The following CKAP2L variants were observed in gnomAD, a reference collection of about 807,000 sequenced individuals.
CKAP2L encodes the protein cytoskeleton-associated protein 2-like.
A neutral mutation model predicts 65.7 loss-of-function variants in CKAP2L; 42 were observed. The ratio of observed to expected loss-of-function variants is 0.64; its 90% CI spans 0.50 to 0.83. The LOEUF (loss-of-function observed/expected upper bound fraction) is 0.83. Ranked by LOEUF, CKAP2L falls within the 40% of genes least tolerant of loss-of-function variation. CKAP2L has a pLI of 0.00. For synonymous variants in CKAP2L, 325 were observed against 313.5 expected (o/e 1.04, Z -0.39); for missense variants, 908 against 871.0 (o/e 1.04, Z -0.53).
rs1314846563 is a variant in CKAP2L, at chr2:112,746,446, C to T, written c.1732G>A (p.Glu578Lys). 6.2e-7 allele frequency: 1 copy of T among 1,612,196 alleles called. No individual in the cohort carries two copies. The change falls in exon 6 of 9, where the codon GAA becomes AAA. Residue 578 changes from glutamate (E) to lysine (K), a missense_variant. Transcript: ENST00000302450. ...KGTFDVIGLY[E>K]EAIKNGATPI... ...GTTGCCCCATTTTTAATGGCCTCTT[C>T]ATATAGCCCAATAACATCAAAGGTG...
rs762691882 is a variant in CKAP2L at position 112,760,774 on chromosome 2, A to G, written c.105-10T>C. ...GGATTTTAGATAAGGCCTATAAAAG[A>G]CAAATTAAAATTAATCCTCAGCACA... On this transcript the variant is annotated splice_polypyrimidine_tract_variant and intron_variant, in intron 2 of 8. Coordinates refer to ENST00000302450, the MANE Select transcript of CKAP2L (RefSeq NM_152515.5). The G allele has an allele frequency of 7.7e-6, 11 of 1,433,646 alleles. No homozygotes were observed. The highest frequency in any genetic ancestry group is 9.7e-6 in the Non-Finnish European group (10 of 1,032,806). The allele number at this position is 1,433,646 out of a possible 1,614,324, so 88.8% of individuals were successfully genotyped here. A position where few individuals can be genotyped will look rare whatever the true frequency, so the allele number is the denominator to read the frequency against.
chr2:112,752,318 C>A lies in CKAP2L; in HGVS notation c.1551G>T (p.Leu517=). 6.2e-7 allele frequency: 1 copy of A among 1,613,942 alleles called. No homozygotes were observed. The highest frequency in any genetic ancestry group is 8.5e-7 in the Non-Finnish European group (1 of 1,179,908). Residue 517 remains leucine (L), a synonymous_variant, in exon 5 of 9, where the codon CTG becomes CTT. Transcript: ENST00000302450. ...TCAGAGTGTTGTTAATTTTACTGGACAGTTCGAGTTGTGCTTTCTTTTCTT... is the reference window on the plus strand; with the variant it reads ...TCAGAGTGTTGTTAATTTTACTGGAAAGTTCGAGTTGTGCTTTCTTTTCTT... ...EEEEKKAQLE[L]SSKINNTLTE...
intron 4 of CKAP2L, among the ~76,000 whole-genome samples, chr2:112,754,062 G>A (rs1300677825): frequency 3.3e-5 from 5 of 152,336 alleles, no homozygotes; most frequent in South Asian, 4.1e-4. Context: ...ATAACACACA[G>A]TAAAATTCAC....
At chr2:112,759,184 G>A (rs181360175) in intron 3 of CKAP2L, among the ~76,000 whole-genome samples, 42 of 152,132 alleles carry the variant, frequency 2.8e-4, no homozygotes, top group Middle Eastern at 3.4e-3. Context: ...CATATATCCC[G>A]GTTTTCACAA....
rs1172704344 is a variant in CKAP2L at position 112,742,752 on chromosome 2, C to T, written c.1776G>A (p.Arg592=). 6.2e-7 allele frequency: 1 copy of T among 1,609,296 alleles called. No individual in the cohort carries two copies. The highest frequency in any genetic ancestry group is 8.5e-7 in the Non-Finnish European group (1 of 1,177,830). The change falls in exon 7 of 9, where the codon CGG becomes CGA. Residue 592 remains arginine (R), a synonymous_variant. Transcript: ENST00000302450. ...KNGATPIQEL[R]KVVLNILQDS... ...CTTGCAAGATATTAAGAACAACTTTCCGCAACTCTTGTATTGGCTGGAAGG... is the reference window on the plus strand; with the variant it reads ...CTTGCAAGATATTAAGAACAACTTTTCGCAACTCTTGTATTGGCTGGAAGG...
chr2:112,764,453 G>C, intron 1 of CKAP2L, 109 bp downstream of exon 1: 1 of 1,231,442 alleles, frequency 8.1e-7, no homozygotes, highest in Non-Finnish European at 1.2e-6. Context: ...GGAAACTTAG[G>C]CAGGCGAGCG....
At chr2:112,739,880 C>T (rs1435303487) in intron 8 of CKAP2L, among the ~76,000 whole-genome samples, 3 of 152,166 alleles carry the variant, frequency 2.0e-5, no homozygotes, top group Non-Finnish European at 4.4e-5. Context: ...TCTTGAACTC[C>T]TAGGCTCAAG....
At chr2:112,759,780 A>G (rs1680663742) in intron 3 of CKAP2L, among the ~76,000 whole-genome samples, 1 of 152,224 alleles carries the variant, frequency 6.6e-6, no homozygotes, top group Non-Finnish European at 1.5e-5. Flanking sequence ...ATGCATATGC[A>G]TATGACTGAA....
Position 112,756,187 on chromosome 2 carries a change from C to A in CKAP2L, c.1184G>T (p.Ser395Ile), listed in dbSNP as rs761496070. ...ACCACTGGTTCCATTTGGTCTTATG[C>A]TAGGGGTGCTTGGAATGGCTGAATT... ...RFNSAIPSTP[S>I]IRPNGTSGNK... Residue 395 changes from serine (S) to isoleucine (I), a missense_variant, in exon 4 of 9, where the codon AGC (serine) becomes ATC (isoleucine). Physicochemically the swap from Ser to Ile is moderately radical, Grantham distance 142. Coordinates refer to ENST00000302450, the MANE Select transcript of CKAP2L (RefSeq NM_152515.5). 3 of 1,613,960 alleles carry A rather than the reference C, an allele frequency of 1.9e-6. No homozygotes were observed. The highest frequency in any genetic ancestry group is 2.2e-5 in the South Asian group (2 of 91,078).
Position 112,758,961 on chromosome 2 carries a change from G to A in CKAP2L, c.157-1747C>T, listed in dbSNP as rs531248950. On this transcript the variant is annotated intron_variant, in intron 3 of 8. Transcript: ENST00000302450. The stretch of plus-strand genomic sequence containing the variant: ...TTTCTGTCTCTGTATGTCTATAGAT[G>A]TGCCTATTTTAGATGTGTCATATAA... 2.3e-3 allele frequency among the ~76,000 whole-genome samples: 350 copies of A among 152,252 alleles called. 1 individual carries two copies. Among genetic ancestry groups the A allele is most frequent in the African/African-American group, 8.1e-3 (337 of 41,552 alleles).
chr2:112,739,142 G>C, intron 8 of CKAP2L, 94 bp from the exon 9 acceptor site: 1 of 986,810 alleles, frequency 1.0e-6, no homozygotes, highest in South Asian at 1.6e-5. Context: ...AAACAGGGAA[G>C]ACATTTTAAC....
intron 3 of CKAP2L, 84 bp from the exon 4 acceptor site, chr2:112,757,298 TA>T (rs200611632): frequency 7.6e-5 from 66 of 869,088 alleles, no homozygotes; most frequent in African/African-American, 2.2e-4. Flanking sequence ...TAACACATGC[TA>T]AAAAAAATAA....
intron 7 of CKAP2L, among the ~76,000 whole-genome samples, chr2:112,741,882 T>A (rs977854694): frequency 1.3e-5 from 2 of 151,086 alleles, no homozygotes; most frequent in African/African-American, 4.9e-5. Flanking sequence ...TGCCTCAGCC[T>A]CCTGAGTATC....
intron 2 of CKAP2L, among the ~76,000 whole-genome samples, chr2:112,761,004 A>G (rs1680702181): frequency 6.6e-6 from 1 of 151,662 alleles, no homozygotes; most frequent in Non-Finnish European, 1.5e-5. Context: ...TGATCCTTAC[A>G]GAGACTGTCT....
In CKAP2L at chr2:112,736,660, A is replaced by C. The variant is rs1388082761; in HGVS notation, c.*2163T>G. The C allele has an allele frequency of 1.3e-5, 2 of 152,204 alleles. No individual in the cohort carries two copies. Among genetic ancestry groups the C allele is most frequent in the Admixed American group, 6.5e-5 (1 of 15,286 alleles). The allele number at this position is 152,204 out of a possible 1,614,324, so 9.4% of individuals were successfully genotyped here. A position where few individuals can be genotyped will look rare whatever the true frequency, so the allele number is the denominator to read the frequency against. ...GTGTACTTGAGCTCTTTCTTAAAAA[A>C]TTAAATATTCCATATGTGAGATCAT... is the stretch of plus-strand genomic sequence containing the variant. On this transcript the variant is annotated 3_prime_UTR_variant, in exon 9 of 9. Coordinates refer to ENST00000302450, the MANE Select transcript of CKAP2L (RefSeq NM_152515.5).
chr2:112,762,136 A>AG (rs1163603957), intron 2 of CKAP2L, among the ~76,000 whole-genome samples: 4 of 152,232 alleles, frequency 2.6e-5, no homozygotes, highest in Admixed American at 2.0e-4. Context: ...CTCCTGCCTT[A>AG]GCAAGAAATG....
intron 3 of CKAP2L, among the ~76,000 whole-genome samples, chr2:112,759,560 C>A (rs558888278): frequency 6.6e-6 from 1 of 152,156 alleles, no homozygotes; most frequent in Non-Finnish European, 1.5e-5. Flanking sequence ...TCCAGAGAAG[C>A]CTCTGGGAAG....
chr2:112,747,559 G>A lies in CKAP2L; in HGVS notation c.1603-984C>T, dbSNP rs1240418664. Among the ~76,000 whole-genome samples, 8 of 152,262 alleles carry A rather than the reference G, an allele frequency of 5.3e-5. No homozygotes were observed. In the East Asian group the frequency reaches 1.5e-3, roughly 29 times the overall value. ...GAAAGAGGGTTAAATCCCACAAAAA[G>A]ATAATTTGAAATGGATTCACTGGTT... On this transcript the variant is annotated intron_variant, in intron 5 of 8. Coordinates refer to ENST00000302450, the MANE Select transcript of CKAP2L (RefSeq NM_152515.5).
Position 112,762,581 on chromosome 2 carries a change from G to T in CKAP2L, c.38-12C>A, listed in dbSNP as rs779290939. On this transcript the variant is annotated splice_polypyrimidine_tract_variant and intron_variant, in intron 1 of 8. Transcript: ENST00000302450. ...TCTCTGCCGCTCTTCTGCAACACAGGCAAGCAAACAAACGACATAACTTTA... is the reference window on the plus strand; with the variant it reads ...TCTCTGCCGCTCTTCTGCAACACAGTCAAGCAAACAAACGACATAACTTTA... 16 of 1,608,984 alleles carry T rather than the reference G, an allele frequency of 9.9e-6. No homozygotes were observed. Among genetic ancestry groups the T allele is most frequent in the Non-Finnish European group, 1.4e-5 (16 of 1,175,490 alleles).
Sources: allele counts gnomAD v4.1 joint callset (sites outside exome capture counted in the v4.1 genomes callset), GRCh38; gene constraint gnomAD v4.1.1; transcripts MANE v1.5; gene names NCBI Gene and HGNC (gene_info 2026-07-23, HGNC 2026-07-21).